The following ATP2B2 variants were observed in gnomAD, a reference collection of about 807,000 sequenced individuals.
ATP2B2 encodes plasma membrane calcium-transporting ATPase 2.
A neutral mutation model predicts 120.0 loss-of-function variants in ATP2B2; 15 were observed. The observed-to-expected ratio is 0.12, with a 90% CI of 0.08 to 0.19. ATP2B2 has a LOEUF of 0.19. Among genes scored for constraint, ATP2B2 ranks in the 10% least tolerant of loss-of-function variants. The pLI is 1.00. For missense variants in ATP2B2, 1,045 were observed against 1,719.8 expected, an observed-to-expected ratio of 0.61 and a Z score of 6.94; for synonymous variants, 694 against 700.3, an observed-to-expected ratio of 0.99 and a Z score of 0.14.
chr3:10,701,791 G>A (rs1335642472), intron 1 of ATP2B2, among the ~76,000 whole-genome samples: 1 of 152,004 alleles, frequency 6.6e-6, no homozygotes, highest in Non-Finnish European at 1.5e-5. Flanking sequence ...TGGAAGAAAG[G>A]TGGTCACAGG....
intron 12 of ATP2B2, among the ~76,000 whole-genome samples, chr3:10,367,374 C>T (rs1559235877): frequency 6.6e-6 from 1 of 151,888 alleles, no homozygotes. Flanking sequence ...GTTTCTGCAG[C>T]GCGGTTTTCC....
chr3:10,658,098 C>T (rs1034315637), intron 1 of ATP2B2, among the ~76,000 whole-genome samples: 27 of 152,282 alleles, frequency 1.8e-4, no homozygotes, highest in South Asian at 6.2e-4. Flanking sequence ...CCCATCTGTA[C>T]GTCACCATCA....
At chr3:10,451,332 T>C (rs929006612) in intron 1 of ATP2B2, among the ~76,000 whole-genome samples, 4 of 152,158 alleles carry the variant, frequency 2.6e-5, no homozygotes, top group African/African-American at 9.7e-5. Flanking sequence ...ATTGGAGCGA[T>C]TTGCGTTCAA....
chr3:10,637,273 A>G (rs927808942), intron 1 of ATP2B2, among the ~76,000 whole-genome samples: 8 of 152,258 alleles, frequency 5.3e-5, no homozygotes, highest in African/African-American at 1.4e-4. Flanking sequence ...CTGATATCCA[A>G]TAAAAACTTA....
At chr3:10,359,768 C>A (rs1160214974) in intron 13 of ATP2B2, 114 bp downstream of exon 13, 3 of 1,496,586 alleles carry the variant, frequency 2.0e-6, no homozygotes, top group Admixed American at 3.5e-5. Flanking sequence ...CCACTCCAGC[C>A]GGGCAGGCTG....
At chr3:10,410,018 G>A (rs1447023678) in intron 3 of ATP2B2, among the ~76,000 whole-genome samples, 2 of 152,156 alleles carry the variant, frequency 1.3e-5, no homozygotes, top group Non-Finnish European at 2.9e-5. Context: ...AAAGAACCAG[G>A]CTCTCTTAGG....
chr3:10,366,449 C>G (rs1255455834), intron 12 of ATP2B2, among the ~76,000 whole-genome samples: 1 of 152,208 alleles, frequency 6.6e-6, no homozygotes, highest in Non-Finnish European at 1.5e-5. Context: ...GGAATCCTTC[C>G]TTCAGAACCA....
intron 22 of ATP2B2, among the ~76,000 whole-genome samples, chr3:10,336,574 G>A (rs188804175): frequency 3.9e-4 from 59 of 152,306 alleles, no homozygotes; most frequent in African/African-American, 1.4e-3. Flanking sequence ...GGCCAGTGGG[G>A]GAGGCAGTGA....
At chr3:10,383,203 T>C (rs1459550422) in intron 8 of ATP2B2, among the ~76,000 whole-genome samples, 1 of 151,930 alleles carries the variant, frequency 6.6e-6, no homozygotes, top group Non-Finnish European at 1.5e-5. Context: ...ATGTGCAGGC[T>C]TTGGGTCCTG....
chr3:10,700,378 T>C (rs976547075), intron 1 of ATP2B2, among the ~76,000 whole-genome samples: 2 of 152,208 alleles, frequency 1.3e-5, no homozygotes, highest in Non-Finnish European at 2.9e-5. Flanking sequence ...TTTCCTGCGA[T>C]ATGTCCCATT....
chr3:10,331,089 C>A (rs2059966453), intron 22 of ATP2B2, among the ~76,000 whole-genome samples: 1 of 152,304 alleles, frequency 6.6e-6, no homozygotes, highest in Non-Finnish European at 1.5e-5. Context: ...GGGTACCCCA[C>A]TTGCTGGAAT....
intron 2 of ATP2B2, among the ~76,000 whole-genome samples, chr3:10,416,845 G>A (rs1430470674): frequency 6.6e-6 from 1 of 152,132 alleles, no homozygotes; most frequent in Non-Finnish European, 1.5e-5. Flanking sequence ...ACAAAAGGCT[G>A]TGATTTCACA....
chr3:10,340,142 G>C lies in ATP2B2; in HGVS notation c.3237+100C>G, dbSNP rs1283106265. The C allele has an allele frequency of 1.8e-6, 2 of 1,136,322 alleles. No homozygotes were observed. Among genetic ancestry groups the C allele is most frequent in the Non-Finnish European group, 2.6e-6 (2 of 765,776 alleles). The allele number at this position is 1,136,322 out of a possible 1,614,324, so 70.4% of individuals were successfully genotyped here. Reference sequence around the variant, plus strand: ...TCCAGAGATAGGGAGGAGCTTGCCTGGGGTCTGGCAGCCCATTCCTGGGGG... The same window carrying C: ...TCCAGAGATAGGGAGGAGCTTGCCTCGGGTCTGGCAGCCCATTCCTGGGGG... On this transcript the variant is annotated intron_variant, in intron 21 of 22. Transcript: ENST00000360273. This position sits in a 1 kb window ranked among gnomAD's most constrained non-coding sequence, Gnocchi z 5.0.
chr3:10,605,653 GTTTT>G (rs5846675), intron 2 of ATP2B2, among the ~76,000 whole-genome samples: 1 of 147,066 alleles, frequency 6.8e-6, no homozygotes, highest in African/African-American at 2.5e-5. Context: ...TATCTTTACA[GTTTT>G]TTTTTTTTTG....
intron 3 of ATP2B2, among the ~76,000 whole-genome samples, chr3:10,512,374 G>T (rs2066778213): frequency 6.6e-6 from 1 of 151,994 alleles, no homozygotes; most frequent in Admixed American, 6.6e-5. Context: ...CATCCCAGGG[G>T]CCTGCATGTC....
chr3:10,388,529 G>C, intron 5 of ATP2B2, 127 bp from the exon 6 acceptor site: 1 of 1,379,176 alleles, frequency 7.3e-7, no homozygotes, highest in Non-Finnish European at 1.0e-6. Flanking sequence ...CATCACCTAT[G>C]GTTAAGATTC....
chr3:10,542,617 A>T (rs1052828329), intron 2 of ATP2B2, among the ~76,000 whole-genome samples: 2 of 151,844 alleles, frequency 1.3e-5, no homozygotes, highest in African/African-American at 2.4e-5. Context: ...TGGATATGGG[A>T]CTCTGGGTTG....
In ATP2B2 at chr3:10,375,921, T is replaced by A. The variant is rs753215039; in HGVS notation, c.1202-277A>T. Among the ~76,000 whole-genome samples, 1 of 152,194 alleles carries A rather than the reference T, an allele frequency of 6.6e-6. No individual in the cohort carries two copies. Among genetic ancestry groups the A allele is most frequent in the Non-Finnish European group, 1.5e-5 (1 of 68,024 alleles). The stretch of plus-strand genomic sequence containing the variant: ...AACGCATGCAAAGTGCCCAGCATAG[T>A]GCTCGGCAATAGTATGTGCTCGACA... On this transcript the variant is annotated intron_variant, in intron 10 of 22. Coordinates refer to ENST00000360273, the MANE Select transcript of ATP2B2 (RefSeq NM_001001331.4). This position sits in a 1 kb window ranked among gnomAD's most constrained non-coding sequence, Gnocchi z 4.2.
At chr3:10,545,719 T>C (rs575398865) in intron 2 of ATP2B2, among the ~76,000 whole-genome samples, 1 of 152,304 alleles carries the variant, frequency 6.6e-6, no homozygotes, top group East Asian at 1.9e-4. Flanking sequence ...TGTTCTCTTA[T>C]TGTTAGCGGT....
Sources: allele counts gnomAD v4.1 joint callset (sites outside exome capture counted in the v4.1 genomes callset), GRCh38; gene constraint gnomAD v4.1.1; non-coding constraint Gnocchi (gnomAD v3.1); transcripts MANE v1.5; gene names NCBI Gene and HGNC (gene_info 2026-07-23, HGNC 2026-07-21).